FCGR3B: variants seen among roughly 807,000 people sequenced by gnomAD.
The protein encoded by FCGR3B is low affinity immunoglobulin gamma Fc region receptor III-B.
In FCGR3B, 20 loss-of-function variants were observed where a neutral mutation model predicts 26.7. The ratio of observed to expected loss-of-function variants is 0.75; its 90% confidence interval spans 0.53 to 1.09. The LOEUF is 1.09. Ranked by LOEUF, FCGR3B falls within the 50% of genes least tolerant of loss-of-function variation. FCGR3B has a pLI of 0.00. For synonymous variants in FCGR3B, 79 were observed against 107.0 expected (o/e 0.74, Z 1.62); for missense variants, 191 against 279.7 (o/e 0.68, Z 2.26).
chr1:161,630,258 C>G, intron 2 of FCGR3B, 110 bp downstream of exon 2: 3 of 1,118,568 alleles, frequency 2.7e-6, no homozygotes, highest in Non-Finnish European at 4.0e-6. Flanking sequence ...ACTATCCCTG[C>G]TAACCCCACA....
Position 161,630,367 on chromosome 1 carries a change from C to A in FCGR3B, c.61+1G>T. On this transcript the variant is annotated splice_donor_variant, in intron 2 of 4. Transcript: ENST00000650385. LOFTEE classifies it high-confidence loss of function. The stretch of plus-strand genomic sequence containing the variant: ...AATCCAAGACCATGAAGCTGACTCA[C>A]CAGTCCGCATGCCAGCTGAAACTGC... 6.2e-7 allele frequency: 1 copy of A among 1,605,198 alleles called. No individual in the cohort carries two copies. Among genetic ancestry groups the A allele is most frequent in the Non-Finnish European group, 8.5e-7 (1 of 1,176,000 alleles).
At chr1:161,626,531 G>A in intron 3 of FCGR3B, 129 bp from the exon 4 acceptor site, 1 of 828,166 alleles carries the variant, frequency 1.2e-6, no homozygotes, top group South Asian at 1.9e-5. Flanking sequence ...ACCCTGCATA[G>A]CTCCCTTTGG....
intron 3 of FCGR3B, among the ~76,000 whole-genome samples, chr1:161,628,063 G>A (rs552673976): frequency 6.7e-6 from 1 of 149,924 alleles, no homozygotes. Context: ...CACGAGGTCA[G>A]GAGATCAAGA....
At chr1:161,627,273 C>T (rs1053431503) in intron 3 of FCGR3B, among the ~76,000 whole-genome samples, 28 of 149,902 alleles carry the variant, frequency 1.9e-4, no homozygotes, top group Non-Finnish European at 2.2e-4. Flanking sequence ...GTATTATGCA[C>T]AGAAAAAAGA....
chr1:161,630,018 C>T lies in FCGR3B; in HGVS notation c.79G>A (p.Val27Met), dbSNP rs201534974. The change falls in exon 3 of 5, where the codon GTG becomes ATG. Residue 27 changes from valine to methionine, a missense_variant. Around this residue, in one of 2 missense-constraint regions of FCGR3B, gnomAD observed 88 missense variants for 165.2 expected, o/e 0.53. Coordinates refer to ENST00000650385, the MANE Select transcript of FCGR3B (RefSeq NM_001244753.2). ...TACCATTGAGGCTCCAGGAACACCA[C>T]AGCCTTTGGGAGATCTTCTGAGGAG... ...GMRTEDLPKA[V>M]VFLEPQWYSV... 9.2e-6 allele frequency: 13 copies of T among 1,408,556 alleles called. No individual in the cohort carries two copies. Among genetic ancestry groups the T allele is most frequent in the African/African-American group, 5.3e-5 (3 of 56,232 alleles). 87.3% of individuals were successfully genotyped at this position (1,408,556 alleles called of 1,614,324 possible). A position where few individuals can be genotyped will look rare whatever the true frequency, so the allele number is the denominator to read the frequency against.
Position 161,631,149 on chromosome 1 carries a change from C to G in FCGR3B, c.-55G>C. ...AAGATATCCGGAGCCCTAAAGGGAC[C>G]AAGCCGACTAGACAGGAGGGAGTAA... On this transcript the variant is annotated 5_prime_UTR_variant, in exon 1 of 5. Coordinates refer to ENST00000650385, the MANE Select transcript of FCGR3B (RefSeq NM_001244753.2). 2 of 1,607,702 alleles carry G rather than the reference C, an allele frequency of 1.2e-6. No homozygotes were observed. The highest frequency in any genetic ancestry group is 1.1e-5 in the South Asian group (1 of 90,286).
chr1:161,623,767 C>G lies in FCGR3B; in HGVS notation c.*748G>C. 7.3e-6 allele frequency: 1 copy of G among 136,776 alleles called. No individual in the cohort carries two copies. Among genetic ancestry groups the G allele is most frequent in the African/African-American group, 2.7e-5 (1 of 36,458 alleles). The allele number at this position is 136,776 out of a possible 1,614,324, so 8.5% of individuals were successfully genotyped here. Reference sequence around the variant, plus strand: ...CCCCTTCCTAGGACCATTTTCTACTCCTAGCATTAGAGGACTCATCGTTAT... The same window carrying G: ...CCCCTTCCTAGGACCATTTTCTACTGCTAGCATTAGAGGACTCATCGTTAT... On this transcript the variant is annotated 3_prime_UTR_variant, in exon 5 of 5. Transcript: ENST00000650385.
At position 161,624,477 on chromosome 1, in the gene FCGR3B, C is replaced by T. The variant is rs371366380; in HGVS notation, c.*38G>A. Reference sequence around the variant, plus strand: ...TCATGTGTCTTGAGGGTCCTTTCTCCATTTAAGTTTATGGTCCTTCCAGTC... The same window carrying T: ...TCATGTGTCTTGAGGGTCCTTTCTCTATTTAAGTTTATGGTCCTTCCAGTC... On this transcript the variant is annotated 3_prime_UTR_variant, in exon 5 of 5. Transcript: ENST00000650385. 1.3e-6 allele frequency: 2 copies of T among 1,598,718 alleles called. No homozygotes were observed. The highest frequency in any genetic ancestry group is 1.7e-6 in the Non-Finnish European group (2 of 1,171,660).
At position 161,630,024 on chromosome 1, in the gene FCGR3B, T is replaced by C. The variant is rs1355826967; in HGVS notation, c.73A>G (p.Lys25Glu). 1 of 1,416,072 alleles carries C rather than the reference T, an allele frequency of 7.1e-7. No individual in the cohort carries two copies. The highest frequency in any genetic ancestry group is 2.0e-5 in the Admixed American group (1 of 49,380). 87.7% of individuals were successfully genotyped at this position (1,416,072 alleles called of 1,614,324 possible). The change falls in exon 3 of 5, where the codon AAG becomes GAG. Residue 25 changes from lysine (K) to glutamate (E), a missense_variant. This residue lies in a region of FCGR3B where 88 missense variants were observed against 165.2 expected (regional missense o/e 0.53). Coordinates refer to ENST00000650385, the MANE Select transcript of FCGR3B (RefSeq NM_001244753.2). ...SAGMRTEDLP[K>E]AVVFLEPQWY... ...TGAGGCTCCAGGAACACCACAGCCT[T>C]TGGGAGATCTTCTGAGGAGCCAAGA...
In FCGR3B at chr1:161,624,443, G is replaced by C; in HGVS notation, c.*72C>G. On this transcript the variant is annotated 3_prime_UTR_variant, in exon 5 of 5. Coordinates refer to ENST00000650385, the MANE Select transcript of FCGR3B (RefSeq NM_001244753.2). Reference sequence around the variant, plus strand: ...TGCCACTGCTCTTATTACCCCCATGGGATGGGGGTCATGTGTCTTGAGGGT... The same window carrying C: ...TGCCACTGCTCTTATTACCCCCATGCGATGGGGGTCATGTGTCTTGAGGGT... The C allele has an allele frequency of 6.5e-7, 1 of 1,526,940 alleles. No individual in the cohort carries two copies. Among genetic ancestry groups the C allele is most frequent in the Non-Finnish European group, 9.0e-7 (1 of 1,116,254 alleles). 94.6% of individuals were successfully genotyped at this position (1,526,940 alleles called of 1,614,324 possible). A position where few individuals can be genotyped will look rare whatever the true frequency, so the allele number is the denominator to read the frequency against.
intron 1 of FCGR3B, 67 bp from the exon 2 acceptor site, chr1:161,630,455 T>G: frequency 6.7e-7 from 1 of 1,501,944 alleles, no homozygotes; most frequent in African/African-American, 1.5e-5. Context: ...GAACATAGAG[T>G]GAGTTTAAAA....
intron 1 of FCGR3B, 115 bp downstream of exon 1, chr1:161,630,940 A>T: frequency 6.8e-7 from 1 of 1,478,458 alleles, no homozygotes; most frequent in Non-Finnish European, 9.0e-7. Flanking sequence ...ACAGCTATAG[A>T]TGTGGTGAGG....
At chr1:161,631,810 AC>A (rs1679760968), upstream of FCGR3B, 2 of 138,018 alleles carry the variant, frequency 1.4e-5, no homozygotes. Context: ...CCCTGGAAGA[AC>A]AAGTCACCAG....
At chr1:161,630,265 C>T in intron 2 of FCGR3B, 103 bp downstream of exon 2, 1 of 1,185,310 alleles carries the variant, frequency 8.4e-7, no homozygotes, top group Non-Finnish European at 1.2e-6. Context: ...CTGCTAACCC[C>T]ACATCAGCAT....
At position 161,626,383 on chromosome 1, in the gene FCGR3B, G is replaced by A. The variant is rs570696778; in HGVS notation, c.339C>T (p.Ala113=). 1.2e-6 allele frequency: 2 copies of A among 1,609,182 alleles called. No individual in the cohort carries two copies. Among genetic ancestry groups the A allele is most frequent in the African/African-American group, 1.4e-5 (1 of 73,450 alleles). The part of the protein sequence containing the change: ...EVHIGWLLLQ[A]PRWVFKEEDP... ...CTTCCTCCTTGAACACCCACCGAGGGGCCTGGAGCAACAGCCAGCCTGAAA... is the reference window on the plus strand; with the variant it reads ...CTTCCTCCTTGAACACCCACCGAGGAGCCTGGAGCAACAGCCAGCCTGAAA... The change falls in exon 4 of 5, where the codon GCC becomes GCT. Residue 113 remains alanine, a synonymous_variant. Coordinates refer to ENST00000650385, the MANE Select transcript of FCGR3B (RefSeq NM_001244753.2).
chr1:161,631,662 C>T (rs1193248141), upstream of FCGR3B, among the ~76,000 whole-genome samples: 3 of 131,284 alleles, frequency 2.3e-5, no homozygotes, highest in Non-Finnish European at 4.9e-5. Flanking sequence ...ATTATCTCCA[C>T]GCAGAATTTC....
rs949644142 is a variant in FCGR3B at position 161,627,179 on chromosome 1, T to C, written c.320-777A>G. Among the ~76,000 whole-genome samples, 32 of 150,238 alleles carry C rather than the reference T, an allele frequency of 2.1e-4. 3 individuals carry two copies. The highest frequency in any genetic ancestry group is 7.7e-4 in the African/African-American group (31 of 40,434). On this transcript the variant is annotated intron_variant, in intron 3 of 4. Transcript: ENST00000650385. ...AATAATTAAAAAAATAATGATGTTA[T>C]AGGTAAGTATTATAATGGCATAAGA...
At chr1:161,627,664 G>A (rs1679531137) in intron 3 of FCGR3B, among the ~76,000 whole-genome samples, 1 of 150,272 alleles carries the variant, frequency 6.7e-6, no homozygotes, top group South Asian at 2.1e-4. Context: ...TAAAGTCATG[G>A]TTAGTATATA....
At chr1:161,625,585 G>C (rs868512977) in intron 4 of FCGR3B, among the ~76,000 whole-genome samples, 1 of 140,424 alleles carries the variant, frequency 7.1e-6, no homozygotes, top group Non-Finnish European at 1.5e-5. Context: ...TGCATGTAAA[G>C]AATTGTTTAG....
Sources: gnomAD v4.1 joint callset for allele counts (sites outside exome capture counted in the v4.1 genomes callset) on GRCh38, gnomAD v4.1.1 for gene constraint, gnomAD v4.1.1 regional missense constraint, MANE v1.5 for transcripts, NCBI Gene and HGNC (gene_info 2026-07-23, HGNC 2026-07-21) for gene names.